Variants in GLT1D1 observed in about 807,000 individuals in gnomAD.
The protein encoded by GLT1D1 is glycosyltransferase 1 domain-containing protein 1.
A neutral mutation model predicts 28.7 loss-of-function variants in GLT1D1; 21 were observed. The ratio of observed to expected loss-of-function variants is 0.73; its 90% CI spans 0.52 to 1.05. GLT1D1 has a LOEUF of 1.05. Ranked by LOEUF, GLT1D1 falls within the 50% of genes least tolerant of loss-of-function variation. The pLI, the probability that GLT1D1 is intolerant of heterozygous loss-of-function variation, is 0.00. For synonymous variants in GLT1D1, 147 were observed against 124.8 expected, an observed-to-expected ratio of 1.18 and a Z score of -1.19; for missense variants, 343 against 330.6, an observed-to-expected ratio of 1.04 and a Z score of -0.29.
chr12:128,934,765 G>A (rs1417011436), intron 4 of GLT1D1, among the ~76,000 whole-genome samples: 2 of 152,246 alleles, frequency 1.3e-5, no homozygotes, highest in Non-Finnish European at 2.9e-5. Context: ...ACATTCCAGA[G>A]GCCAGGATGT....
At chr12:128,982,244 T>C (rs1002917499) in intron 7 of GLT1D1, among the ~76,000 whole-genome samples, 1 of 151,848 alleles carries the variant, frequency 6.6e-6, no homozygotes, top group African/African-American at 2.4e-5. Flanking sequence ...GGACTTGGGG[T>C]AGGGCTGGGT....
At chr12:128,890,775 G>A (rs753491576) in intron 3 of GLT1D1, among the ~76,000 whole-genome samples, 1 of 152,132 alleles carries the variant, frequency 6.6e-6, no homozygotes. Flanking sequence ...GAGGCAGGTG[G>A]ATCACCTGAG....
chr12:128,871,203 A>C (rs1453767777), intron 1 of GLT1D1, among the ~76,000 whole-genome samples: 1 of 152,234 alleles, frequency 6.6e-6, no homozygotes, highest in Non-Finnish European at 1.5e-5. Flanking sequence ...AACATAAAAT[A>C]GCAATTATTC....
intron 4 of GLT1D1, among the ~76,000 whole-genome samples, chr12:128,939,836 A>T: frequency 1.3e-5 from 1 of 78,462 alleles, no homozygotes; most frequent in Non-Finnish European, 2.7e-5. Flanking sequence ...AATTGTTAGA[A>T]ACCCCCCCCC....
chr12:128,980,110 T>C (rs1348918143), intron 7 of GLT1D1, among the ~76,000 whole-genome samples: 2 of 152,232 alleles, frequency 1.3e-5, no homozygotes, highest in African/African-American at 4.8e-5. Flanking sequence ...TGCTCTGCTT[T>C]GCTGAGATGA....
intron 6 of GLT1D1, 118 bp downstream of exon 10, chr12:128,947,576 G>A: frequency 8.7e-7 from 1 of 1,154,864 alleles, no homozygotes; most frequent in Non-Finnish European, 1.3e-6. Flanking sequence ...AGCTAAAAAG[G>A]CCAAGCAGCA....
intron 2 of GLT1D1, among the ~76,000 whole-genome samples, chr12:128,876,678 G>T (rs1956878462): frequency 1.3e-5 from 2 of 152,238 alleles, no homozygotes; most frequent in Non-Finnish European, 2.9e-5. Context: ...TACAAATAGA[G>T]CACTTATGAA....
At chr12:128,908,948 C>G (rs1169578501) in intron 4 of GLT1D1, among the ~76,000 whole-genome samples, 1 of 143,976 alleles carries the variant, frequency 6.9e-6, no homozygotes, top group Non-Finnish European at 1.5e-5. Flanking sequence ...GACTCCGTCT[C>G]AAAAATAAAT....
At chr12:128,874,108 C>T (rs28592850) in intron 1 of GLT1D1, among the ~76,000 whole-genome samples, 108 of 52,614 alleles carry the variant, frequency 2.1e-3, no homozygotes, top group South Asian at 7.1e-3. Context: ...TTCTCTCTCT[C>T]TCTCTCTCTC....
At chr12:128,954,223 G>A (rs1350255043) in intron 6 of GLT1D1, among the ~76,000 whole-genome samples, 2 of 151,034 alleles carry the variant, frequency 1.3e-5, no homozygotes, top group Non-Finnish European at 2.9e-5. Context: ...TCCCAGGTTC[G>A]CCATTCTCCT....
chr12:128,855,942 G>C (rs532207355), intron 1 of GLT1D1, among the ~76,000 whole-genome samples: 2 of 152,100 alleles, frequency 1.3e-5, no homozygotes, highest in Admixed American at 1.3e-4. Context: ...AGTAGAGACA[G>C]GGTTTCACCA....
At chr12:128,906,150 T>C (rs554429456) in intron 4 of GLT1D1, among the ~76,000 whole-genome samples, 3 of 152,312 alleles carry the variant, frequency 2.0e-5, no homozygotes, top group Admixed American at 2.0e-4. Context: ...GTTTCTGATA[T>C]TATAATATTG....
chr12:128,888,644 C>A lies in GLT1D1; in HGVS notation c.223C>A (p.Arg75=). The A allele has an allele frequency of 1.2e-6, 2 of 1,608,916 alleles. No homozygotes were observed. Among genetic ancestry groups the A allele is most frequent in the Non-Finnish European group, 1.7e-6 (2 of 1,176,694 alleles). ...TGACTGTCATCGTTTTGCAGGCCAC[C>A]GAATCCCTTTTGGAGTCATCTTTGG... Residue 75 remains arginine (R), a synonymous_variant, in exon 3 of 8, where the codon CGA becomes AGA. Transcript: ENST00000281703.
intron 1 of GLT1D1, among the ~76,000 whole-genome samples, chr12:128,866,850 A>G (rs1443667742): frequency 2.7e-5 from 4 of 150,826 alleles, no homozygotes; most frequent in African/African-American, 9.7e-5. Context: ...TGAACTCCTG[A>G]CCTCAGGTCA....
At chr12:128,882,245 C>G (rs1265555450) in intron 2 of GLT1D1, among the ~76,000 whole-genome samples, 1 of 150,620 alleles carries the variant, frequency 6.6e-6, no homozygotes, top group Admixed American at 6.6e-5. Flanking sequence ...CATTAATACA[C>G]ATTACGGATA....
At chr12:128,908,572 C>T (rs11610974) in intron 4 of GLT1D1, among the ~76,000 whole-genome samples, 32 of 149,590 alleles carry the variant, frequency 2.1e-4, no homozygotes, top group Non-Finnish European at 3.0e-4. Context: ...CTACCCAAGG[C>T]GGAAGACTGG....
intron 3 of GLT1D1, among the ~76,000 whole-genome samples, chr12:128,889,760 G>A (rs774878963): frequency 7.9e-5 from 12 of 152,154 alleles, no homozygotes; most frequent in Admixed American, 3.9e-4. Context: ...TTTGAAATGG[G>A]TCAGCCTTCT....
chr12:128,968,015 G>C (rs1878634078), intron 7 of GLT1D1, among the ~76,000 whole-genome samples: 1 of 151,852 alleles, frequency 6.6e-6, no homozygotes, highest in Non-Finnish European at 1.5e-5. Context: ...TGTTTTTTTT[G>C]AGACAGAGTC....
intron 6 of GLT1D1, among the ~76,000 whole-genome samples, chr12:128,956,968 CTG>C (rs1877375382): frequency 6.6e-6 from 1 of 152,242 alleles, no homozygotes. Flanking sequence ...GGGCTGCACA[CTG>C]TGCTGTCAGG....
Sources: allele counts gnomAD v4.1 joint callset (sites outside exome capture counted in the v4.1 genomes callset), GRCh38; gene constraint gnomAD v4.1.1; transcripts MANE v1.5; gene names NCBI Gene and HGNC (gene_info 2026-07-23, HGNC 2026-07-21).